Variants in KAZN observed in about 807,000 individuals in gnomAD.
The protein encoded by KAZN is kazrin, periplakin interacting protein, also known as kazrin.
KAZN carries 40 observed loss-of-function variants against 87.4 expected under a neutral mutation model. The ratio of observed to expected loss-of-function variants is 0.46; its 90% confidence interval spans 0.36 to 0.60. The LOEUF is 0.60. KAZN is among the 20% of genes least tolerant of loss of function. KAZN has a pLI of 0.00. For synonymous variants in KAZN, 466 were observed against 458.3 expected (o/e 1.02, Z -0.22); for missense variants, 898 against 1,073.9 (o/e 0.84, Z 2.29).
chr1:15,102,623 C>T (rs2100715954), intron 11 of KAZN, among the ~76,000 whole-genome samples: 1 of 152,310 alleles, frequency 6.6e-6, no homozygotes, highest in South Asian at 2.1e-4. Context: ...GGGGGCCATC[C>T]AGCCTTTTGT....
intron 1 of KAZN, among the ~76,000 whole-genome samples, chr1:14,107,978 A>G (rs1160219612): frequency 6.6e-6 from 1 of 152,142 alleles, no homozygotes; most frequent in Non-Finnish European, 1.5e-5. Context: ...GGGATTGTGC[A>G]AGATTTCTAA....
chr1:13,912,324 G>A (rs79991337), intron 1 of KAZN, among the ~76,000 whole-genome samples: 3,609 of 152,248 alleles, frequency 0.024, 149 homozygotes, highest in African/African-American at 0.082. Context: ...GGCCTCTGCT[G>A]AGTTGGTGAT....
chr1:14,937,737 G>A (rs1318965742), intron 1 of KAZN, among the ~76,000 whole-genome samples: 1 of 152,218 alleles, frequency 6.6e-6, no homozygotes, highest in African/African-American at 2.4e-5. Flanking sequence ...GGTGTTTTGG[G>A]TGCTCCAGAC....
At chr1:15,055,081 A>G (rs906686619) in intron 4 of KAZN, among the ~76,000 whole-genome samples, 8 of 149,600 alleles carry the variant, frequency 5.3e-5, no homozygotes, top group African/African-American at 2.0e-4. Context: ...AGCAGCCTTC[A>G]ATCTTGCAAG....
chr1:14,859,618 T>C (rs1650597157), intron 1 of KAZN, among the ~76,000 whole-genome samples: 1 of 152,212 alleles, frequency 6.6e-6, no homozygotes, highest in Non-Finnish European at 1.5e-5. Flanking sequence ...ACTCTGAATC[T>C]AATTAGAATG....
At chr1:13,948,805 T>C (rs1641240368) in intron 1 of KAZN, among the ~76,000 whole-genome samples, 1 of 152,174 alleles carries the variant, frequency 6.6e-6, no homozygotes, top group African/African-American at 2.4e-5. Flanking sequence ...CTGGCTCCTG[T>C]TTTGCTGTTA....
chr1:14,550,071 G>C (rs1673409374), intron 2 of KAZN, among the ~76,000 whole-genome samples: 1 of 152,196 alleles, frequency 6.6e-6, no homozygotes, highest in South Asian at 2.1e-4. Flanking sequence ...ACATTCCCAG[G>C]TACGCACACC....
chr1:14,998,057 A>G (rs1219691029), intron 2 of KAZN, among the ~76,000 whole-genome samples: 1 of 151,924 alleles, frequency 6.6e-6, no homozygotes, highest in African/African-American at 2.4e-5. Flanking sequence ...CAGGAAGTCG[A>G]ACTGTGGGTC....
At chr1:14,868,764 A>T (rs1651814870) in intron 1 of KAZN, among the ~76,000 whole-genome samples, 1 of 151,790 alleles carries the variant, frequency 6.6e-6, no homozygotes, top group Admixed American at 6.6e-5. Context: ...GGATCTCTTG[A>T]GCCCAGGAAC....
At chr1:14,434,357 A>T (rs1398575985) in intron 2 of KAZN, among the ~76,000 whole-genome samples, 1 of 152,138 alleles carries the variant, frequency 6.6e-6, no homozygotes, top group African/African-American at 2.4e-5. Context: ...CATCCAGCAG[A>T]GTTGTGCGGA....
chr1:14,337,149 G>A (rs997800749), intron 2 of KAZN, among the ~76,000 whole-genome samples: 6 of 152,334 alleles, frequency 3.9e-5, no homozygotes, highest in Admixed American at 2.0e-4. Flanking sequence ...TTAGCACAGA[G>A]TAAATGCCTG....
At chr1:14,314,761 TC>T (rs1260032337) in intron 2 of KAZN, among the ~76,000 whole-genome samples, 1 of 152,152 alleles carries the variant, frequency 6.6e-6, no homozygotes, top group Admixed American at 6.6e-5. Flanking sequence ...GCAATCACCA[TC>T]ATTATTTAAT....
At chr1:14,489,772 TG>T (rs1365774495) in intron 2 of KAZN, among the ~76,000 whole-genome samples, 7 of 147,002 alleles carry the variant, frequency 4.8e-5, no homozygotes, top group African/African-American at 1.5e-4. Flanking sequence ...ATAATAATAA[TG>T]AATACACTGT....
intron 2 of KAZN, among the ~76,000 whole-genome samples, chr1:15,007,703 A>C (rs1428011902): frequency 6.6e-6 from 1 of 152,190 alleles, no homozygotes; most frequent in African/African-American, 2.4e-5. Flanking sequence ...ATAACAGATG[A>C]TTAGCAGGCC....
chr1:15,098,454 G>C (rs184943158), intron 10 of KAZN, among the ~76,000 whole-genome samples: 56 of 152,338 alleles, frequency 3.7e-4, no homozygotes, highest in Middle Eastern at 3.4e-3. Flanking sequence ...TTATGGATGG[G>C]CCCCTCTCGA....
intron 1 of KAZN, among the ~76,000 whole-genome samples, chr1:13,987,014 T>C (rs911421705): frequency 1.3e-5 from 2 of 150,324 alleles, no homozygotes; most frequent in Non-Finnish European, 3.0e-5. Context: ...CCCCTAATGC[T>C]GTGGAAGAAA....
chr1:14,458,536 T>A (rs1436740404), intron 2 of KAZN, among the ~76,000 whole-genome samples: 2 of 152,218 alleles, frequency 1.3e-5, no homozygotes, highest in Non-Finnish European at 2.9e-5. Context: ...AGAGATAGAA[T>A]AAATTCTAGC....
intron 2 of KAZN, among the ~76,000 whole-genome samples, chr1:14,180,998 C>T (rs568006498): frequency 2.6e-5 from 4 of 152,162 alleles, no homozygotes; most frequent in African/African-American, 7.2e-5. Flanking sequence ...CCTCCCGCCC[C>T]GCCCCAGTAA....
At chr1:14,550,423 T>C (rs934970052) in intron 2 of KAZN, among the ~76,000 whole-genome samples, 2 of 152,014 alleles carry the variant, frequency 1.3e-5, no homozygotes, top group African/African-American at 4.8e-5. Flanking sequence ...GGTGAAAAGG[T>C]TCCAGGTGAG....
Sources: gnomAD v4.1 joint callset for allele counts (sites outside exome capture counted in the v4.1 genomes callset) on GRCh38, gnomAD v4.1.1 for gene constraint, MANE v1.5 for transcripts, NCBI Gene and HGNC (gene_info 2026-07-23, HGNC 2026-07-21) for gene names.